Variants in C8orf34 observed in about 807,000 individuals in gnomAD.
C8orf34 encodes the protein chromosome 8 open reading frame 34.
C8orf34 carries 65 observed loss-of-function variants against 68.3 expected under a neutral mutation model. That is an observed-to-expected ratio of 0.95 (90% CI 0.78 to 1.17). C8orf34 has a LOEUF of 1.17. C8orf34 is among the 50% of genes most tolerant of loss of function. The pLI is 0.00. For synonymous variants in C8orf34, 244 were observed against 241.2 expected (o/e 1.01, Z -0.11); for missense variants, 664 against 655.4 (o/e 1.01, Z -0.14).
Position 68,505,599 on chromosome 8 carries a change from C to T in C8orf34, c.766-16200C>T, listed in dbSNP as rs566759479. Among the ~76,000 whole-genome samples the T allele has an allele frequency of 3.6e-4, 48 of 133,272 alleles. 6 individuals are homozygous for T. The East Asian group carries it at 9.0e-3, about 25-fold the overall frequency. 87.4% of individuals were successfully genotyped at this position (133,272 alleles called of 152,430 possible). A position where few individuals can be genotyped will look rare whatever the true frequency, so the allele number is the denominator to read the frequency against. ...ACAAAAAATTAGCCGGGCGCGGTGG[C>T]GGGCGCCTGTAGTCCCAGCTACTCG... On this transcript the variant is annotated intron_variant, in intron 5 of 13. Coordinates refer to ENST00000518698, the MANE Select transcript of C8orf34 (RefSeq NM_052958.4).
At chr8:68,390,623 G>A (rs1281053663) in intron 1 of C8orf34, among the ~76,000 whole-genome samples, 1 of 152,110 alleles carries the variant, frequency 6.6e-6, no homozygotes, top group Non-Finnish European at 1.5e-5. Context: ...TGCAGGCTGT[G>A]TACATTCCCC....
intron 7 of C8orf34, among the ~76,000 whole-genome samples, chr8:68,589,982 A>G (rs529132194): frequency 6.6e-6 from 1 of 150,538 alleles, no homozygotes; most frequent in African/African-American, 2.4e-5. Context: ...GACATTTAGC[A>G]GCATCCATGG....
chr8:68,702,706 C>A (rs1313573366), intron 8 of C8orf34, among the ~76,000 whole-genome samples: 1 of 152,134 alleles, frequency 6.6e-6, no homozygotes, highest in Non-Finnish European at 1.5e-5. Flanking sequence ...TAAATCTTCT[C>A]TCATCCATTA....
intron 1 of C8orf34, among the ~76,000 whole-genome samples, chr8:68,398,877 C>T (rs1329056939): frequency 6.6e-6 from 1 of 152,156 alleles, no homozygotes; most frequent in Non-Finnish European, 1.5e-5. Flanking sequence ...CAACTCTTCA[C>T]ATTCCTTTTG....
At chr8:68,436,757 T>G (rs1810685941) in intron 1 of C8orf34, among the ~76,000 whole-genome samples, 1 of 152,226 alleles carries the variant, frequency 6.6e-6, no homozygotes, top group Non-Finnish European at 1.5e-5. Context: ...AATTGATTTC[T>G]ACTCCAAATT....
rs145615980 is a variant in C8orf34 at position 68,529,780 on chromosome 8, A to G, written c.939-3203A>G. 1.5e-3 allele frequency among the ~76,000 whole-genome samples: 235 copies of G among 152,264 alleles called. 3 individuals are homozygous for G. In the Middle Eastern group the frequency reaches 0.02, roughly 13 times the overall value. ...ATGTTTGCCTTTTAGAAATAATTAT[A>G]TTATGTTTTATAAACTGACATTTGA... On this transcript the variant is annotated intron_variant, in intron 6 of 13. Transcript: ENST00000518698.
At chr8:68,607,352 T>A (rs528657329) in intron 7 of C8orf34, among the ~76,000 whole-genome samples, 1 of 152,192 alleles carries the variant, frequency 6.6e-6, no homozygotes, top group Admixed American at 6.5e-5. Context: ...AAGATCAAGG[T>A]GTCGGCAGGG....
intron 1 of C8orf34, among the ~76,000 whole-genome samples, chr8:68,387,678 GAAA>G (rs886700554): frequency 6.6e-6 from 1 of 151,778 alleles, no homozygotes; most frequent in African/African-American, 2.4e-5. Flanking sequence ...CTGAAAAAAA[GAAA>G]AAAACCTCGT....
intron 1 of C8orf34, among the ~76,000 whole-genome samples, chr8:68,343,662 C>T (rs1806165230): frequency 1.3e-5 from 2 of 151,308 alleles, no homozygotes; most frequent in Non-Finnish European, 2.9e-5. Context: ...GGCACAATCT[C>T]AGCTCACTGC....
intron 1 of C8orf34, among the ~76,000 whole-genome samples, chr8:68,377,804 G>T (rs1363185211): frequency 1.9e-4 from 29 of 152,218 alleles, no homozygotes; most frequent in Non-Finnish European, 7.4e-5. Context: ...AAGGAAAAAG[G>T]TTTAATTGAC....
chr8:68,671,686 G>A (rs1004196431), intron 8 of C8orf34, among the ~76,000 whole-genome samples: 2 of 152,092 alleles, frequency 1.3e-5, no homozygotes, highest in African/African-American at 4.8e-5. Context: ...TTATAATTTT[G>A]CTTTTATTTA....
In C8orf34 at chr8:68,442,820, TAA is replaced by T. The variant is rs1364004187; in HGVS notation, c.475+3176_475+3177del. Among the ~76,000 whole-genome samples, 5 of 152,068 alleles carry T rather than the reference TAA, an allele frequency of 3.3e-5. No individual in the cohort carries two copies. The East Asian group carries it at 7.7e-4, about 23-fold the overall frequency. On this transcript the variant is annotated intron_variant, in intron 2 of 13. Coordinates refer to ENST00000518698, the MANE Select transcript of C8orf34 (RefSeq NM_052958.4). The stretch of plus-strand genomic sequence containing the variant: ...GCTTAATGCATGGTTTGTCTAAGAA[TAA>T]AGAGGTCACTATAGTTTCTTTCAAG...
At chr8:68,437,331 A>G (rs972400525) in intron 1 of C8orf34, among the ~76,000 whole-genome samples, 1 of 152,144 alleles carries the variant, frequency 6.6e-6, no homozygotes, top group Non-Finnish European at 1.5e-5. Context: ...AAACAAAACC[A>G]TGAGATTTTC....
chr8:68,576,237 G>A (rs1586397474), intron 7 of C8orf34, among the ~76,000 whole-genome samples: 1 of 151,538 alleles, frequency 6.6e-6, no homozygotes, highest in East Asian at 1.9e-4. Flanking sequence ...ATGATTATTA[G>A]ACTAACATTG....
chr8:68,426,518 C>CAAAAAAAAAAAAAAA (rs753578060), intron 1 of C8orf34, among the ~76,000 whole-genome samples: 131 of 29,430 alleles, frequency 4.5e-3, no homozygotes, highest in Non-Finnish European at 5.9e-3. Context: ...GACCTTGTCT[C>CAAAAAAAAAAAAAAA]AAAAAAAAAA....
chr8:68,396,042 C>T (rs1425517038), intron 1 of C8orf34, among the ~76,000 whole-genome samples: 1 of 151,928 alleles, frequency 6.6e-6, no homozygotes, highest in East Asian at 1.9e-4. Flanking sequence ...TATTATTATA[C>T]CCCATACTTT....
intron 5 of C8orf34, among the ~76,000 whole-genome samples, chr8:68,511,294 G>A (rs1389513138): frequency 6.6e-6 from 1 of 152,172 alleles, no homozygotes; most frequent in African/African-American, 2.4e-5. Flanking sequence ...GGAGGGGAAG[G>A]GGTTTTTATT....
At chr8:68,597,324 C>A (rs1161277410) in intron 7 of C8orf34, among the ~76,000 whole-genome samples, 1 of 151,944 alleles carries the variant, frequency 6.6e-6, no homozygotes, top group Non-Finnish European at 1.5e-5. Context: ...TCAGACTGTT[C>A]TTATGGCTGG....
intron 1 of C8orf34, among the ~76,000 whole-genome samples, chr8:68,436,387 A>G (rs1466446889): frequency 6.6e-6 from 1 of 152,166 alleles, no homozygotes; most frequent in African/African-American, 2.4e-5. Flanking sequence ...TGCGACTTGT[A>G]TGTCCCAGTT....
Sources: allele counts gnomAD v4.1 joint callset (sites outside exome capture counted in the v4.1 genomes callset), GRCh38; gene constraint gnomAD v4.1.1; transcripts MANE v1.5; gene names NCBI Gene and HGNC (gene_info 2026-07-23, HGNC 2026-07-21).